WBP2: variants seen among roughly 807,000 people sequenced by gnomAD.
WBP2 encodes the protein WW domain binding protein 2, also known as WW domain-binding protein 2.
In WBP2, 23 loss-of-function variants were observed where a neutral mutation model predicts 33.0. The observed-to-expected ratio is 0.70, with a 90% confidence interval of 0.50 to 0.99. WBP2 has a LOEUF of 0.99. WBP2 is among the 50% of genes least tolerant of loss of function. The probability of loss-of-function intolerance (pLI) is 0.00; values close to 1 mark genes in which losing one functional copy is unlikely to be tolerated. For missense variants in WBP2, 353 were observed against 358.0 expected (o/e 0.99, Z 0.11); for synonymous variants, 153 against 133.5 (o/e 1.15, Z -1.01).
chr17:75,854,633 G>GT (rs1233783716), intron 1 of WBP2, among the ~76,000 whole-genome samples: 1 of 152,160 alleles, frequency 6.6e-6, no homozygotes, highest in African/African-American at 2.4e-5. Flanking sequence ...TGGGACCTCA[G>GT]TTTTTTACCG....
intron 4 of WBP2, chr17:75,848,193 C>T (rs2065006791): frequency 1.7e-6 from 1 of 598,112 alleles, no homozygotes; most frequent in Admixed American, 3.0e-5. Context: ...GAGGGAGGCT[C>T]AGGGCTGGGG....
chr17:75,851,538 C>G, intron 2 of WBP2, 30 bp downstream of exon 2: 1 of 1,562,398 alleles, frequency 6.4e-7, no homozygotes, highest in Non-Finnish European at 8.8e-7. Flanking sequence ...CAACAAGCCT[C>G]TCAACCAACT....
Position 75,846,575 on chromosome 17 carries a change from G to C in WBP2, c.*159C>G. On this transcript the variant is annotated 3_prime_UTR_variant, in exon 8 of 8. Coordinates refer to ENST00000254806, the MANE Select transcript of WBP2 (RefSeq NM_012478.4). The surrounding 1 kb of genome is among the most constrained non-coding windows in gnomAD (Gnocchi z 4.8). ...GCTGGGCGGCACCTCTCCCGAGGCC[G>C]GGGGCCCTAATGTCCCACAATGCTA... The C allele has an allele frequency of 1.0e-6, 1 of 959,060 alleles. No homozygotes were observed. Among genetic ancestry groups the C allele is most frequent in the Non-Finnish European group, 1.6e-6 (1 of 621,092 alleles). The allele number at this position is 959,060 out of a possible 1,614,324, so 59.4% of individuals were successfully genotyped here.
Position 75,846,824 on chromosome 17 carries a change from G to A in WBP2, c.733-37C>T, listed in dbSNP as rs1347475468. The stretch of plus-strand genomic sequence containing the variant: ...AGAAAGGAGAGACTTGCATTAGAAG[G>A]TTTAAAACATGGTGCGGTCATCCCC... On this transcript the variant is annotated intron_variant, in intron 7 of 7. Transcript: ENST00000254806. The surrounding 1 kb of genome is among the most constrained non-coding windows in gnomAD (Gnocchi z 4.8). 1 of 1,603,604 alleles carries A rather than the reference G, an allele frequency of 6.2e-7. No individual in the cohort carries two copies. The highest frequency in any genetic ancestry group is 2.2e-5 in the East Asian group (1 of 44,574).
intron 5 of WBP2, 40 bp from the exon 6 acceptor site, chr17:75,847,649 G>A (rs547623376): frequency 3.2e-5 from 51 of 1,611,912 alleles, no homozygotes; most frequent in East Asian, 1.8e-4. Context: ...GTGAGCACCC[G>A]GCTGCGGCCC....
At chr17:75,847,657 C>T (rs751178395) in intron 5 of WBP2, 48 bp from the exon 6 acceptor site, 4 of 1,611,004 alleles carry the variant, frequency 2.5e-6, no homozygotes, top group East Asian at 4.5e-5. Flanking sequence ...CCGGCTGCGG[C>T]CCCCTCCCGG....
rs908393297 is a variant in WBP2 at position 75,850,582 on chromosome 17, C to T, written c.169-843G>A. Among the ~76,000 whole-genome samples the T allele has an allele frequency of 3.3e-5, 5 of 152,212 alleles. No individual in the cohort carries two copies. In the East Asian group the frequency reaches 7.8e-4, roughly 24 times the overall value. ...TTAAACCCACGACTTTTATCTGTGA[C>T]TGAAGGTGCCAAGTTGAGCCTCCAG... On this transcript the variant is annotated intron_variant, in intron 2 of 7. Coordinates refer to ENST00000254806, the MANE Select transcript of WBP2 (RefSeq NM_012478.4).
intron 1 of WBP2, among the ~76,000 whole-genome samples, chr17:75,853,771 C>T (rs1427751047): frequency 2.6e-5 from 4 of 152,088 alleles, no homozygotes; most frequent in East Asian, 3.8e-4. Flanking sequence ...AATGGCTGGG[C>T]GCGGTGGCTC....
chr17:75,849,497 G>T, intron 3 of WBP2, 107 bp downstream of exon 3: 1 of 1,434,998 alleles, frequency 7.0e-7, no homozygotes, highest in Non-Finnish European at 9.6e-7. Context: ...AGAGGTCATG[G>T]CTAGGGCGAT....
intron 3 of WBP2, 174 bp from the exon 4 acceptor site, chr17:75,848,836 G>A: frequency 1.6e-6 from 1 of 641,136 alleles, no homozygotes; most frequent in Non-Finnish European, 2.8e-6. Flanking sequence ...TGCCTGCATA[G>A]GAGCCAGCAC....
At chr17:75,848,829 C>G in intron 3 of WBP2, 167 bp from the exon 4 acceptor site, 2 of 653,106 alleles carry the variant, frequency 3.1e-6, no homozygotes, top group East Asian at 5.5e-5. Flanking sequence ...AGCCTGCTGC[C>G]TGCATAGGAG....
rs1458212800 is a variant in WBP2, at chr17:75,847,813, T to C, written c.515A>G (p.Tyr172Cys). 29 of 1,556,826 alleles carry C rather than the reference T, an allele frequency of 1.9e-5. No homozygotes were observed. The highest frequency in any genetic ancestry group is 5.5e-5 in the African/African-American group (4 of 73,012). ...ACACTCACCAGGTGGGGGCGGTGGA[T>C]AGGGGTAGCCAGGAGGGCAGGGGTA... ...GMYPCPPGYP[Y>C]PPPPPEFYPG... is the part of the protein sequence containing the mutation. The change falls in exon 5 of 8, where the codon TAT becomes TGT. Residue 172 changes from tyrosine (Y) to cysteine (C), a missense_variant. By Grantham distance (194) the Tyr-to-Cys change is radical (BLOSUM62 -2). Coordinates refer to ENST00000254806, the MANE Select transcript of WBP2 (RefSeq NM_012478.4).
In WBP2 at chr17:75,847,893, G is replaced by A. The variant is rs771775883; in HGVS notation, c.435C>T (p.Tyr145=). 20 of 1,559,564 alleles carry A rather than the reference G, an allele frequency of 1.3e-5. No individual in the cohort carries two copies. Among genetic ancestry groups the A allele is most frequent in the Non-Finnish European group, 1.6e-5 (18 of 1,151,840 alleles). The change falls in exon 5 of 8, where the codon TAC becomes TAT. Residue 145 remains tyrosine, a synonymous_variant. Transcript: ENST00000254806. The stretch of plus-strand genomic sequence containing the variant: ...CATAGGCCCCGCTGGGCATGTAAGA[G>A]TAGCCATAGGCTCCACTGGGGACTT... ...RGEVPSGAYG[Y]SYMPSGAYVY...
At chr17:75,848,713 C>T in intron 3 of WBP2, 51 bp from the exon 4 acceptor site, 1 of 1,514,404 alleles carries the variant, frequency 6.6e-7, no homozygotes, top group Non-Finnish European at 9.1e-7. Flanking sequence ...AAAACTTATG[C>T]CCAAAGAGAT....
In WBP2 at chr17:75,855,291, G is replaced by C; in HGVS notation, c.7C>G (p.Leu3Val). MA[L>V]NKNHSEGGGV... Reference sequence around the variant, plus strand: ...CCGCCCTCCGAGTGATTCTTGTTGAGCGCCATAGTCTCTCCAACAGGGGTC... The same window carrying C: ...CCGCCCTCCGAGTGATTCTTGTTGACCGCCATAGTCTCTCCAACAGGGGTC... Residue 3 changes from leucine to valine, a missense_variant, in exon 1 of 8, where the codon CTC becomes GTC. By Grantham distance (32) the Leu-to-Val change is conservative. Coordinates refer to ENST00000254806, the MANE Select transcript of WBP2 (RefSeq NM_012478.4). 7.4e-6 allele frequency: 12 copies of C among 1,612,362 alleles called. No homozygotes were observed. Among genetic ancestry groups the C allele is most frequent in the Non-Finnish European group, 7.6e-6 (9 of 1,179,924 alleles).
chr17:75,848,282 T>C (rs1400932743), intron 4 of WBP2: 6 of 583,858 alleles, frequency 1.0e-5, no homozygotes, highest in Non-Finnish European at 1.8e-5. Flanking sequence ...AGTCGAATGG[T>C]TGGTTTAGTG....
intron 1 of WBP2, 52 bp from the exon 2 acceptor site, chr17:75,851,728 G>A (rs372610418): frequency 2.1e-5 from 30 of 1,397,324 alleles, no homozygotes; most frequent in African/African-American, 1.0e-4. Flanking sequence ...GAGACGCGAC[G>A]TCACCCAGAC....
At chr17:75,850,012 T>A (rs563326305) in intron 2 of WBP2, among the ~76,000 whole-genome samples, 1 of 151,998 alleles carries the variant, frequency 6.6e-6, no homozygotes, top group Non-Finnish European at 1.5e-5. Context: ...ACTGACGTGG[T>A]GGGGTGGTGG....
chr17:75,848,646 A>G lies in WBP2; in HGVS notation c.321T>C (p.Ser107=). Residue 107 remains serine, a synonymous_variant, in exon 4 of 8, where the codon TCT becomes TCC. Transcript: ENST00000254806. ...KAEAGGGWEG[S]ASYKLTFTAG... ...CCGTGAAAGTCAACTTGTAGGAAGC[A>G]GAGCCTTCCCAGCCACCTGAAAGGG... 6.2e-7 allele frequency: 1 copy of G among 1,613,944 alleles called. No individual in the cohort carries two copies. Among genetic ancestry groups the G allele is most frequent in the Non-Finnish European group, 8.5e-7 (1 of 1,179,934 alleles).
Sources: allele counts gnomAD v4.1 joint callset (sites outside exome capture counted in the v4.1 genomes callset), GRCh38; gene constraint gnomAD v4.1.1; non-coding constraint Gnocchi (gnomAD v3.1); transcripts MANE v1.5; gene names NCBI Gene and HGNC (gene_info 2026-07-23, HGNC 2026-07-21).